SLX4IP: variants seen among roughly 807,000 people sequenced by gnomAD.
SLX4IP encodes the protein protein SLX4IP.
SLX4IP carries 34 observed loss-of-function variants against 32.9 expected under a neutral mutation model. The observed-to-expected ratio is 1.03, with a 90% CI of 0.79 to 1.38. The LOEUF is 1.38. SLX4IP is among the 40% of genes most tolerant of loss of function. SLX4IP has a pLI of 0.00. For synonymous variants in SLX4IP, 172 were observed against 171.7 expected, an observed-to-expected ratio of 1.00 and a Z score of -0.01; for missense variants, 444 against 479.0, an observed-to-expected ratio of 0.93 and a Z score of 0.68.
At chr20:10,538,646 C>T (rs747574438) in intron 2 of SLX4IP, among the ~76,000 whole-genome samples, 15 of 151,972 alleles carry the variant, frequency 9.9e-5, no homozygotes, top group Non-Finnish European at 1.8e-4. Context: ...CTGCCTCAGG[C>T]TCCTGAGTAG....
At chr20:10,519,246 T>G (rs1486516142) in intron 2 of SLX4IP, among the ~76,000 whole-genome samples, 4 of 152,196 alleles carry the variant, frequency 2.6e-5, no homozygotes, top group Non-Finnish European at 5.9e-5. Context: ...CCATGTTAAG[T>G]ATATAATTCA....
rs559783722 is a variant in SLX4IP at position 10,481,715 on chromosome 20, C to G, written c.27+23484C>G. On this transcript the variant is annotated intron_variant, in intron 2 of 7. Transcript: ENST00000334534. The stretch of plus-strand genomic sequence containing the variant: ...CCCAGAATTTAGCAGCTTATATTGA[C>G]TCACAATTTTTATGGCTTAGACATA... Among the ~76,000 whole-genome samples the G allele has an allele frequency of 1.1e-3, 161 of 152,282 alleles. 1 individual carries two copies. In the Middle Eastern group the frequency reaches 0.02, roughly 19 times the overall value.
At chr20:10,460,393 T>G (rs1171958056) in intron 2 of SLX4IP, among the ~76,000 whole-genome samples, 4 of 152,204 alleles carry the variant, frequency 2.6e-5, no homozygotes, top group Non-Finnish European at 5.9e-5. Flanking sequence ...AATTTTTCCT[T>G]TTGATGTTGG....
At chr20:10,496,683 G>A (rs1450506595) in intron 2 of SLX4IP, among the ~76,000 whole-genome samples, 1 of 151,752 alleles carries the variant, frequency 6.6e-6, no homozygotes, top group Non-Finnish European at 1.5e-5. Flanking sequence ...AAAAAGGCGT[G>A]CTCACTGAGG....
intron 2 of SLX4IP, among the ~76,000 whole-genome samples, chr20:10,510,884 G>A (rs1425292646): frequency 1.3e-5 from 2 of 152,164 alleles, no homozygotes; most frequent in East Asian, 1.9e-4. Flanking sequence ...GATTACAGGC[G>A]TGAGCCATCG....
In SLX4IP at chr20:10,436,038, AT is replaced by A. The variant is rs5840375; in HGVS notation, c.-30+594del. ...ATTTGCTTTCTCCTTCCCCTGAACT[AT>A]TTTTTTTTATTTTTAGTTTTTAATT... On this transcript the variant is annotated intron_variant, in intron 1 of 7. Transcript: ENST00000334534. Among the ~76,000 whole-genome samples the A allele has an allele frequency of 5.7e-4, 87 of 151,514 alleles. No homozygotes were observed. In the East Asian group the frequency reaches 0.014, roughly 25 times the overall value.
chr20:10,551,668 G>A (rs2066219253), intron 2 of SLX4IP, among the ~76,000 whole-genome samples: 1 of 152,180 alleles, frequency 6.6e-6, no homozygotes, highest in South Asian at 2.1e-4. Context: ...GAATGGGCTG[G>A]TCCAGAGCAG....
In SLX4IP at chr20:10,623,337, C is replaced by G. The variant is rs1171978258; in HGVS notation, c.1185C>G (p.Asn395Lys). 6.2e-7 allele frequency: 1 copy of G among 1,612,468 alleles called. No individual in the cohort carries two copies. Among genetic ancestry groups the G allele is most frequent in the Admixed American group, 1.7e-5 (1 of 59,588 alleles). Residue 395 changes from asparagine to lysine, a missense_variant, in exon 8 of 8, where the codon AAC (asparagine) becomes AAG (lysine). Asn to Lys is a moderately conservative substitution (Grantham distance 94). Coordinates refer to ENST00000334534, the MANE Select transcript of SLX4IP (RefSeq NM_001009608.3). The stretch of plus-strand genomic sequence containing the variant: ...CTGAAAGATTATCTACAATTCAGAA[C>G]AGCCCAACCAAGAAAAGAAAGAAAT... ...TNTERLSTIQ[N>K]SPTKKRKKYE...
chr20:10,607,129 A>G (rs975422375), intron 6 of SLX4IP, among the ~76,000 whole-genome samples: 21 of 152,184 alleles, frequency 1.4e-4, no homozygotes, highest in Non-Finnish European at 2.8e-4. Flanking sequence ...TGTAGTGACC[A>G]ATATTATGCT....
chr20:10,499,468 G>A (rs2065697880), intron 2 of SLX4IP, among the ~76,000 whole-genome samples: 1 of 152,142 alleles, frequency 6.6e-6, no homozygotes, highest in Non-Finnish European at 1.5e-5. Flanking sequence ...TTGTAAATCA[G>A]TAAGCTGATT....
At chr20:10,574,688 T>G (rs942096981) in intron 4 of SLX4IP, among the ~76,000 whole-genome samples, 3 of 152,130 alleles carry the variant, frequency 2.0e-5, no homozygotes, top group Non-Finnish European at 4.4e-5. Flanking sequence ...TCCAAGACTT[T>G]TTTTCTGAGA....
intron 6 of SLX4IP, among the ~76,000 whole-genome samples, chr20:10,602,678 T>C (rs2066856648): frequency 6.6e-6 from 1 of 152,188 alleles, no homozygotes; most frequent in African/African-American, 2.4e-5. Context: ...TGTGACATGA[T>C]TATTATGCTT....
rs1390043371 is a variant in SLX4IP, at chr20:10,622,750, G to A, written c.598G>A (p.Glu200Lys). ...VETSSDSVIA[E>K]IARRRNDGQA... is the part of the protein sequence containing the mutation. ...AACATCTAGTGACTCAGTGATTGCA[G>A]AGATAGCAAGGAGGAGGAATGATGG... The change falls in exon 8 of 8, where the codon GAG (glutamate) becomes AAG (lysine). Residue 200 changes from glutamate (E) to lysine (K), a missense_variant. Transcript: ENST00000334534. 1 of 1,614,066 alleles carries A rather than the reference G, an allele frequency of 6.2e-7. No individual in the cohort carries two copies. Among genetic ancestry groups the A allele is most frequent in the Non-Finnish European group, 8.5e-7 (1 of 1,180,048 alleles).
intron 3 of SLX4IP, 57 bp downstream of exon 3, chr20:10,556,377 A>T (rs1212295986): frequency 6.7e-7 from 1 of 1,503,090 alleles, no homozygotes; most frequent in Non-Finnish European, 9.2e-7. Flanking sequence ...TATAAGAAAT[A>T]TCAGCTCTTT....
intron 2 of SLX4IP, among the ~76,000 whole-genome samples, chr20:10,461,279 T>C (rs1214737521): frequency 6.6e-6 from 1 of 152,232 alleles, no homozygotes; most frequent in African/African-American, 2.4e-5. Context: ...ATGCAAGAGA[T>C]GGGTCTGTTC....
intron 2 of SLX4IP, among the ~76,000 whole-genome samples, chr20:10,458,970 C>T (rs1171246462): frequency 1.3e-5 from 2 of 152,144 alleles, no homozygotes; most frequent in African/African-American, 2.4e-5. Flanking sequence ...CTAATTTACA[C>T]TCCCACCAAC....
rs182860169 is a variant in SLX4IP at position 10,605,306 on chromosome 20, G to C, written c.405+3487G>C. Reference sequence around the variant, plus strand: ...TTTTAACATAATTTGCTAAGTCCCAGCTCTATACTGGGAACTCTGGTAGGC... The same window carrying C: ...TTTTAACATAATTTGCTAAGTCCCACCTCTATACTGGGAACTCTGGTAGGC... On this transcript the variant is annotated intron_variant, in intron 6 of 7. Transcript: ENST00000334534. Among the ~76,000 whole-genome samples the C allele has an allele frequency of 3.3e-5, 5 of 152,234 alleles. No homozygotes were observed. In the East Asian group the frequency reaches 9.6e-4, roughly 29 times the overall value.
intron 4 of SLX4IP, among the ~76,000 whole-genome samples, chr20:10,568,140 C>CTT (rs1487470639): frequency 6.6e-6 from 1 of 152,184 alleles, no homozygotes; most frequent in Non-Finnish European, 1.5e-5. Flanking sequence ...TTTTGAAAGG[C>CTT]TTTATCTGTC....
At chr20:10,526,996 T>C (rs935186238) in intron 2 of SLX4IP, among the ~76,000 whole-genome samples, 1 of 152,192 alleles carries the variant, frequency 6.6e-6, no homozygotes, top group South Asian at 2.1e-4. Flanking sequence ...TGGGAATGCA[T>C]TGGCTATTCA....
Sources: gnomAD v4.1 joint callset for allele counts (sites outside exome capture counted in the v4.1 genomes callset) on GRCh38, gnomAD v4.1.1 for gene constraint, MANE v1.5 for transcripts, NCBI Gene and HGNC (gene_info 2026-07-23, HGNC 2026-07-21) for gene names.